The following TRERF1 variants were observed in gnomAD, a reference collection of about 807,000 sequenced individuals.
TRERF1 encodes transcriptional-regulating factor 1.
In TRERF1, 27 loss-of-function variants were observed where a neutral mutation model predicts 122.9. That is an observed-to-expected ratio of 0.22 (90% CI 0.16 to 0.30). TRERF1 has a LOEUF of 0.30. Among genes scored for constraint, TRERF1 ranks in the 10% least tolerant of loss-of-function variants. TRERF1 has a pLI of 1.00. For missense variants in TRERF1, 1,248 were observed against 1,560.3 expected (o/e 0.80, Z 3.37); for synonymous variants, 636 against 641.7 (o/e 0.99, Z 0.13).
intron 14 of TRERF1, among the ~76,000 whole-genome samples, chr6:42,245,585 T>C (rs1774635679): frequency 6.6e-6 from 1 of 152,232 alleles, no homozygotes. Flanking sequence ...CTAAACCATC[T>C]CTCAGCCAAT....
chr6:42,335,429 T>C (rs1007869381), intron 3 of TRERF1, among the ~76,000 whole-genome samples: 1 of 152,104 alleles, frequency 6.6e-6, no homozygotes, highest in African/African-American at 2.4e-5. Context: ...ACAAGACAAT[T>C]CTGGCATGGA....
chr6:42,410,525 A>G (rs1033721629), intron 2 of TRERF1, among the ~76,000 whole-genome samples: 1 of 152,208 alleles, frequency 6.6e-6, no homozygotes, highest in African/African-American at 2.4e-5. Flanking sequence ...ATACTGAGAT[A>G]TCAACCTCCA....
Position 42,259,517 on chromosome 6 carries a change from C to G in TRERF1, c.2091G>C (p.Leu697=). ...GCAGCTCGTGGGTGGGGTCCAGGAG[C>G]AGGTGGTCCCCGAGGACGCGCGGGG... Residue 697 remains leucine, a synonymous_variant, in exon 9 of 18, where the codon CTG becomes CTC. Coordinates refer to ENST00000372922, the Ensembl canonical transcript of TRERF1. The surrounding 1 kb of genome is among the most constrained non-coding windows in gnomAD (Gnocchi z 4.9). The G allele has an allele frequency of 6.2e-7, 1 of 1,612,960 alleles. No homozygotes were observed. Among genetic ancestry groups the G allele is most frequent in the Non-Finnish European group, 8.5e-7 (1 of 1,179,732 alleles).
At position 42,336,739 on chromosome 6, in the gene TRERF1, G is replaced by A. The variant is rs546640520; in HGVS notation, c.-371+26258C>T. ...GGCTCAGGGAAAACTCACAGCACCC[G>A]GGACTGGAGAGTCAGCAGCCTTGGG... On this transcript the variant is annotated intron_variant, in intron 3 of 17. Transcript: ENST00000372922. Among the ~76,000 whole-genome samples the A allele has an allele frequency of 3.0e-4, 46 of 152,252 alleles. 1 individual carries two copies. The South Asian group carries it at 7.7e-3, about 25-fold the overall frequency.
chr6:42,256,871 T>C (rs369125721), intron 11 of TRERF1, 40 bp from the exon 12 acceptor site: 4 of 1,613,072 alleles, frequency 2.5e-6, no homozygotes, highest in Admixed American at 1.7e-5. Flanking sequence ...CAGAGAGAGC[T>C]GAGTGTAATG....
At chr6:42,287,155 G>A (rs1371065936) in intron 4 of TRERF1, among the ~76,000 whole-genome samples, 1 of 112,026 alleles carries the variant, frequency 8.9e-6, no homozygotes, top group Admixed American at 1.0e-4. Context: ...GGTGGGGGGA[G>A]GGGGGAGGGA....
intron 3 of TRERF1, among the ~76,000 whole-genome samples, chr6:42,351,719 A>G (rs1769483411): frequency 6.6e-6 from 1 of 152,146 alleles, no homozygotes; most frequent in Non-Finnish European, 1.5e-5. Context: ...GTGGTGCCAT[A>G]TAACTACTCC....
At chr6:42,277,896 A>AAG (rs201996823) in intron 4 of TRERF1, among the ~76,000 whole-genome samples, 1,363 of 130,200 alleles carry the variant, frequency 0.01, 75 homozygotes, top group Middle Eastern at 0.018. Flanking sequence ...AAGAAGGAAG[A>AAG]AGGAAGAAGG....
chr6:42,431,856 T>C (rs929417475), intron 2 of TRERF1, among the ~76,000 whole-genome samples: 3 of 152,046 alleles, frequency 2.0e-5, no homozygotes, highest in African/African-American at 7.3e-5. Context: ...CTGTCCCAAA[T>C]TGTCCCCACC....
intron 3 of TRERF1, among the ~76,000 whole-genome samples, chr6:42,353,413 G>C (rs78236278): frequency 0.037 from 5,688 of 151,936 alleles, 282 homozygotes; most frequent in East Asian, 0.24. Flanking sequence ...ATGGTGGAAC[G>C]CTCTCTTTAG....
At chr6:42,414,026 ATAAAAGTGCCACTGATACAAGGAAT>A (rs2151481863) in intron 2 of TRERF1, among the ~76,000 whole-genome samples, 1 of 152,356 alleles carries the variant, frequency 6.6e-6, no homozygotes, top group East Asian at 1.9e-4. Context: ...CAAAGACCCA[ATAAAAGTGCCACTGATACAAGGAAT>A]TTTATGTGCA....
intron 2 of TRERF1, among the ~76,000 whole-genome samples, chr6:42,392,706 T>C (rs940532588): frequency 6.6e-6 from 1 of 152,156 alleles, no homozygotes; most frequent in Non-Finnish European, 1.5e-5. Context: ...GGGTCTCTGA[T>C]AGCCATCATC....
At position 42,230,915 on chromosome 6, in the gene TRERF1, G is replaced by A. The variant is rs1023726045; in HGVS notation, c.3278+1766C>T. Among the ~76,000 whole-genome samples, 8 of 152,336 alleles carry A rather than the reference G, an allele frequency of 5.3e-5. No homozygotes were observed. The East Asian group carries it at 9.6e-4, about 18-fold the overall frequency. On this transcript the variant is annotated intron_variant, in intron 17 of 17. Coordinates refer to ENST00000372922, the Ensembl canonical transcript of TRERF1. Reference sequence around the variant, plus strand: ...GGTGTGAATCCCCACTAGGCTGCTCGCTGTGAACTGCAACAGGGGCTTCAC... The same window carrying A: ...GGTGTGAATCCCCACTAGGCTGCTCACTGTGAACTGCAACAGGGGCTTCAC...
At chr6:42,260,829 C>T (rs538402864) in intron 8 of TRERF1, among the ~76,000 whole-genome samples, 22 of 152,244 alleles carry the variant, frequency 1.4e-4, no homozygotes, top group African/African-American at 5.3e-4. Flanking sequence ...CCCATGGGCT[C>T]CTCTGCTCTG....
At chr6:42,250,992 C>CTTTTTTTTTTTTTTT (rs70987586) in intron 13 of TRERF1, among the ~76,000 whole-genome samples, 6 of 97,602 alleles carry the variant, frequency 6.1e-5, no homozygotes, top group African/African-American at 1.3e-4. Context: ...TCTTTTGCTT[C>CTTTTTTTTTTTTTTT]TTTTTTTTTT....
At chr6:42,244,380 C>T (rs1243737773) in intron 14 of TRERF1, among the ~76,000 whole-genome samples, 4 of 152,074 alleles carry the variant, frequency 2.6e-5, no homozygotes, top group South Asian at 4.1e-4. Context: ...GACGTGGTTT[C>T]TACATGTTGG....
intron 2 of TRERF1, among the ~76,000 whole-genome samples, chr6:42,422,980 C>T (rs1783019933): frequency 6.6e-6 from 1 of 152,208 alleles, no homozygotes; most frequent in African/African-American, 2.4e-5. Flanking sequence ...GCTGGGATTA[C>T]AGGCATGCGC....
intron 4 of TRERF1, among the ~76,000 whole-genome samples, chr6:42,277,934 AAG>A (rs1312002910): frequency 2.7e-5 from 4 of 149,718 alleles, no homozygotes; most frequent in Admixed American, 6.6e-5. Flanking sequence ...GAAGAAGAAG[AAG>A]AAGAAGAAGA....
chr6:42,418,969 G>A (rs1782336776), intron 2 of TRERF1, among the ~76,000 whole-genome samples: 1 of 152,160 alleles, frequency 6.6e-6, no homozygotes, highest in African/African-American at 2.4e-5. Context: ...TGATAACAGG[G>A]TGTAAAACAA....
Sources: allele counts gnomAD v4.1 joint callset (sites outside exome capture counted in the v4.1 genomes callset), GRCh38; gene constraint gnomAD v4.1.1; non-coding constraint Gnocchi (gnomAD v3.1); transcripts MANE v1.5; gene names NCBI Gene and HGNC (gene_info 2026-07-23, HGNC 2026-07-21).